KCNN3: variants seen among roughly 807,000 people sequenced by gnomAD.
KCNN3 encodes the protein potassium calcium-activated channel subfamily N member 3.
In KCNN3, 16 loss-of-function variants were observed where a neutral mutation model predicts 62.9. That is an observed-to-expected ratio of 0.25 (90% CI 0.17 to 0.39). The LOEUF is 0.39. KCNN3 is among the 10% of genes least tolerant of loss of function. The probability of loss-of-function intolerance (pLI) is 1.00; values close to 1 mark genes in which losing one functional copy is unlikely to be tolerated. For missense variants in KCNN3, 599 were observed against 949.4 expected, an observed-to-expected ratio of 0.63 and a Z score of 4.85; for synonymous variants, 370 against 389.2, an observed-to-expected ratio of 0.95 and a Z score of 0.58.
intron 3 of KCNN3, among the ~76,000 whole-genome samples, chr1:154,748,837 C>G (rs528010088): frequency 6.6e-6 from 1 of 152,152 alleles, no homozygotes; most frequent in Non-Finnish European, 1.5e-5. Context: ...TGGTACGTGT[C>G]TATAGTCCCA....
intron 3 of KCNN3, among the ~76,000 whole-genome samples, chr1:154,744,000 C>T (rs189891254): frequency 1.3e-5 from 2 of 152,230 alleles, no homozygotes; most frequent in Admixed American, 6.5e-5. Flanking sequence ...AGGTGTTACC[C>T]GCCCACCCTG....
intron 1 of KCNN3, among the ~76,000 whole-genome samples, chr1:154,855,646 C>T (rs1375783276): frequency 2.0e-5 from 3 of 152,222 alleles, no homozygotes; most frequent in Non-Finnish European, 4.4e-5. Flanking sequence ...GATGCTCACA[C>T]AATGATGAAA....
At chr1:154,865,962 T>G (rs1411207756) in intron 1 of KCNN3, among the ~76,000 whole-genome samples, 2 of 152,082 alleles carry the variant, frequency 1.3e-5, no homozygotes, top group African/African-American at 2.4e-5. Flanking sequence ...TCCAGACTGG[T>G]CAGCAGGGCC....
At chr1:154,823,004 C>T (rs1489968600) in intron 1 of KCNN3, among the ~76,000 whole-genome samples, 6 of 152,248 alleles carry the variant, frequency 3.9e-5, no homozygotes, top group African/African-American at 4.8e-5. Flanking sequence ...CACCTCTCTG[C>T]ACCAGCATGC....
At chr1:154,810,156 A>C (rs569612644) in intron 2 of KCNN3, among the ~76,000 whole-genome samples, 1 of 152,288 alleles carries the variant, frequency 6.6e-6, no homozygotes, top group Admixed American at 6.5e-5. Context: ...ACCTTACCAT[A>C]GGAACGGGCA....
rs546640137 is a variant in KCNN3 at position 154,749,081 on chromosome 1, T to G, written c.1449-15937A>C. 7.9e-5 allele frequency among the ~76,000 whole-genome samples: 12 copies of G among 152,152 alleles called. No individual in the cohort carries two copies. In the East Asian group the frequency reaches 2.3e-3, roughly 29 times the overall value. On this transcript the variant is annotated intron_variant, in intron 3 of 7. Coordinates refer to ENST00000271915, the MANE Select transcript of KCNN3 (RefSeq NM_002249.6). Reference sequence around the variant, plus strand: ...GAGGTGAGATGAGTGGAGAGACTGGTGGGGATTCTCTCTCTCTCAGGTATC... The same window carrying G: ...GAGGTGAGATGAGTGGAGAGACTGGGGGGGATTCTCTCTCTCTCAGGTATC...
At position 154,708,228 on chromosome 1, in the gene KCNN3, C is replaced by G; in HGVS notation, c.1944G>C (p.Arg648=). Residue 648 remains arginine, a synonymous_variant, in exon 8 of 8, where the codon CGG becomes CGC. Coordinates refer to ENST00000271915, the MANE Select transcript of KCNN3 (RefSeq NM_002249.6). ...MYDLITELND[R]SEDLEKQIGS... ...CAATCTGCTTCTCCAGGTCTTCGCT[C>G]CGGTCATTGAGTTCTGTGATTAAGT... 6.2e-7 allele frequency: 1 copy of G among 1,613,862 alleles called. No individual in the cohort carries two copies. Among genetic ancestry groups the G allele is most frequent in the South Asian group, 1.1e-5 (1 of 91,068 alleles).
At chr1:154,739,097 G>C (rs868030514) in intron 3 of KCNN3, among the ~76,000 whole-genome samples, 6 of 152,224 alleles carry the variant, frequency 3.9e-5, no homozygotes, top group African/African-American at 1.4e-4. Context: ...TACAGACATG[G>C]AGGTAAATAC....
chr1:154,760,720 C>A (rs1379767187), intron 3 of KCNN3, among the ~76,000 whole-genome samples: 1 of 152,220 alleles, frequency 6.6e-6, no homozygotes, highest in Non-Finnish European at 1.5e-5. Context: ...CGCGGGGACG[C>A]CCGGGAGGCT....
intron 1 of KCNN3, among the ~76,000 whole-genome samples, chr1:154,842,308 C>T (rs1651866292): frequency 6.6e-6 from 1 of 152,140 alleles, no homozygotes; most frequent in African/African-American, 2.4e-5. Flanking sequence ...AGGGTCCACA[C>T]ACAGTTCAGG....
At chr1:154,782,979 G>A (rs1013564645) in intron 2 of KCNN3, among the ~76,000 whole-genome samples, 8 of 152,224 alleles carry the variant, frequency 5.3e-5, no homozygotes, top group East Asian at 3.9e-4. Context: ...TTGGCAGGCC[G>A]AGGCGGGCGG....
intron 2 of KCNN3, among the ~76,000 whole-genome samples, chr1:154,808,492 T>C (rs967405277): frequency 2.0e-5 from 3 of 152,144 alleles, no homozygotes; most frequent in Non-Finnish European, 4.4e-5. Context: ...TCCACACCCT[T>C]GTCCTCAGCA....
intron 1 of KCNN3, among the ~76,000 whole-genome samples, chr1:154,822,899 G>C (rs1156979751): frequency 6.6e-6 from 1 of 152,220 alleles, no homozygotes; most frequent in East Asian, 1.9e-4. Flanking sequence ...GAGAAACCGA[G>C]AAGTGTGGTT....
intron 2 of KCNN3, among the ~76,000 whole-genome samples, chr1:154,789,869 A>G (rs1238127985): frequency 2.0e-5 from 3 of 150,656 alleles, no homozygotes; most frequent in Non-Finnish European, 4.4e-5. Flanking sequence ...CACGGGCCCC[A>G]GGTTAGGAAT....
chr1:154,725,089 C>T (rs1280637737), intron 5 of KCNN3, among the ~76,000 whole-genome samples: 1 of 152,106 alleles, frequency 6.6e-6, no homozygotes, highest in African/African-American at 2.4e-5. Flanking sequence ...CTCTTGACCT[C>T]ATGCTCCGCC....
intron 1 of KCNN3, among the ~76,000 whole-genome samples, chr1:154,845,027 G>GAA (rs1265119169): frequency 6.6e-6 from 1 of 151,238 alleles, no homozygotes; most frequent in Non-Finnish European, 1.5e-5. Context: ...AAAAGAGAGA[G>GAA]AAAAAAAACT....
intron 1 of KCNN3, among the ~76,000 whole-genome samples, chr1:154,834,231 G>A (rs1571321610): frequency 6.6e-6 from 1 of 152,192 alleles, no homozygotes; most frequent in African/African-American, 2.4e-5. Flanking sequence ...AATGGGGCAC[G>A]ACACGAGCCC....
chr1:154,816,674 A>G (rs888502005), intron 2 of KCNN3, among the ~76,000 whole-genome samples: 2 of 151,962 alleles, frequency 1.3e-5, no homozygotes, highest in Non-Finnish European at 2.9e-5. Flanking sequence ...CTCCTGCCCC[A>G]GCTCTGGGCA....
chr1:154,793,806 C>T (rs1184348179), intron 2 of KCNN3, among the ~76,000 whole-genome samples: 1 of 152,278 alleles, frequency 6.6e-6, no homozygotes, highest in African/African-American at 2.4e-5. Context: ...TAAAGACCTG[C>T]AGTTGGAAAC....
Sources: allele counts gnomAD v4.1 joint callset (sites outside exome capture counted in the v4.1 genomes callset), GRCh38; gene constraint gnomAD v4.1.1; transcripts MANE v1.5; gene names NCBI Gene and HGNC (gene_info 2026-07-23, HGNC 2026-07-21).